The following WDR70 variants were observed in gnomAD, a reference collection of about 807,000 sequenced individuals.
The protein encoded by WDR70 is WD repeat domain 70, also known as WD repeat-containing protein 70.
In WDR70, 53 loss-of-function variants were observed where a neutral mutation model predicts 88.6. That is an observed-to-expected ratio of 0.60 (90% CI 0.48 to 0.75). The LOEUF (loss-of-function observed/expected upper bound fraction) is 0.75. WDR70 is among the 30% of genes least tolerant of loss of function. The pLI is 0.00. For synonymous variants in WDR70, 280 were observed against 270.0 expected (o/e 1.04, Z -0.36); for missense variants, 610 against 823.2 (o/e 0.74, Z 3.17).
chr5:37,664,594 G>A (rs1456850697), intron 10 of WDR70, among the ~76,000 whole-genome samples: 4 of 152,086 alleles, frequency 2.6e-5, no homozygotes, highest in Non-Finnish European at 5.9e-5. Context: ...CCATGATAAA[G>A]TTGACCTTTT....
intron 10 of WDR70, among the ~76,000 whole-genome samples, chr5:37,633,272 C>G (rs1349913557): frequency 6.6e-6 from 1 of 151,974 alleles, no homozygotes; most frequent in East Asian, 1.9e-4. Context: ...CTTAAATTGA[C>G]TAGATTAGAA....
At chr5:37,435,228 C>A (rs1372243656) in intron 5 of WDR70, among the ~76,000 whole-genome samples, 4 of 152,114 alleles carry the variant, frequency 2.6e-5, no homozygotes, top group African/African-American at 9.7e-5. Context: ...TTCATCCTAT[C>A]TTTTTGGTGA....
At chr5:37,666,495 G>C (rs1195963173) in intron 10 of WDR70, among the ~76,000 whole-genome samples, 2 of 152,118 alleles carry the variant, frequency 1.3e-5, no homozygotes, top group Non-Finnish European at 2.9e-5. Flanking sequence ...CCTGAGATTG[G>C]GTCTAGCAAC....
intron 10 of WDR70, among the ~76,000 whole-genome samples, chr5:37,673,735 C>G (rs1746105123): frequency 6.6e-6 from 1 of 151,980 alleles, no homozygotes; most frequent in Admixed American, 6.6e-5. Flanking sequence ...GTCCAGTGTT[C>G]ATTAGCTATT....
chr5:37,474,889 C>G (rs1245240992), intron 7 of WDR70, among the ~76,000 whole-genome samples: 1 of 152,054 alleles, frequency 6.6e-6, no homozygotes, highest in Non-Finnish European at 1.5e-5. Flanking sequence ...TCCTTTTTAT[C>G]TCCAGTAATG....
chr5:37,433,725 T>C (rs1440321004), intron 5 of WDR70, among the ~76,000 whole-genome samples: 1 of 152,226 alleles, frequency 6.6e-6, no homozygotes, highest in Non-Finnish European at 1.5e-5. Flanking sequence ...TTTTGAAAGA[T>C]ACCAGAAATC....
intron 10 of WDR70, among the ~76,000 whole-genome samples, chr5:37,658,171 G>A (rs2112571787): frequency 6.6e-6 from 1 of 151,984 alleles, no homozygotes; most frequent in East Asian, 1.9e-4. Context: ...TTAGTAGGTT[G>A]AGGAGGAGGA....
chr5:37,469,057 A>G (rs1335646613), intron 7 of WDR70, among the ~76,000 whole-genome samples: 1 of 152,216 alleles, frequency 6.6e-6, no homozygotes, highest in Non-Finnish European at 1.5e-5. Context: ...TAAACAAAAT[A>G]TATATAATAG....
At chr5:37,447,147 C>T (rs1389923892) in intron 7 of WDR70, among the ~76,000 whole-genome samples, 2 of 152,146 alleles carry the variant, frequency 1.3e-5, no homozygotes, top group Non-Finnish European at 2.9e-5. Context: ...AGACACTTCT[C>T]AAAAGAAGAC....
intron 7 of WDR70, among the ~76,000 whole-genome samples, chr5:37,460,707 A>C (rs1045740368): frequency 1.3e-5 from 2 of 149,468 alleles, no homozygotes; most frequent in Non-Finnish European, 3.0e-5. Flanking sequence ...AAACATTAAA[A>C]ATAAAAAATA....
At chr5:37,383,621 C>T (rs1310851968) in intron 3 of WDR70, among the ~76,000 whole-genome samples, 1 of 151,734 alleles carries the variant, frequency 6.6e-6, no homozygotes, top group African/African-American at 2.4e-5. Flanking sequence ...GCTCTGTCGC[C>T]CTGGCTGGAG....
chr5:37,414,610 T>C (rs1749637194), intron 5 of WDR70, among the ~76,000 whole-genome samples: 1 of 151,374 alleles, frequency 6.6e-6, no homozygotes, highest in Non-Finnish European at 1.5e-5. Flanking sequence ...TGTTTTTTTT[T>C]TTTTTTTTTT....
chr5:37,738,198 G>T (rs1748360213), intron 17 of WDR70, among the ~76,000 whole-genome samples: 1 of 152,132 alleles, frequency 6.6e-6, no homozygotes, highest in Non-Finnish European at 1.5e-5. Flanking sequence ...TTCTAACAGG[G>T]TTAACAAGTG....
intron 9 of WDR70, among the ~76,000 whole-genome samples, chr5:37,529,840 T>A (rs1430691818): frequency 6.6e-6 from 1 of 152,112 alleles, no homozygotes; most frequent in Non-Finnish European, 1.5e-5. Context: ...ATTGCACTGG[T>A]TAGGACTTCC....
chr5:37,403,307 A>G (rs1749258452), intron 5 of WDR70, among the ~76,000 whole-genome samples: 2 of 152,164 alleles, frequency 1.3e-5, no homozygotes, highest in Admixed American at 1.3e-4. Flanking sequence ...CATATTGTAA[A>G]TTCAACACAT....
intron 15 of WDR70, chr5:37,723,210 A>G: frequency 2.5e-6 from 1 of 406,594 alleles, no homozygotes; most frequent in South Asian, 4.0e-5. Flanking sequence ...TTTCAAGAGT[A>G]ACAGTCTATT....
chr5:37,488,044 A>G (rs912187702), intron 8 of WDR70, among the ~76,000 whole-genome samples: 4 of 145,576 alleles, frequency 2.7e-5, no homozygotes. Context: ...TTTCTCCTTC[A>G]TTATAACTGC....
At chr5:37,531,547 A>G (rs1444219345) in intron 9 of WDR70, among the ~76,000 whole-genome samples, 2 of 139,268 alleles carry the variant, frequency 1.4e-5, no homozygotes, top group African/African-American at 5.2e-5. Flanking sequence ...ATATGATATC[A>G]TTCTTTGTAT....
intron 9 of WDR70, among the ~76,000 whole-genome samples, chr5:37,525,696 G>T (rs1328704194): frequency 6.6e-6 from 1 of 152,136 alleles, no homozygotes; most frequent in Non-Finnish European, 1.5e-5. Context: ...CCAGGAGCTG[G>T]TTTTTTGAAA....
Sources: gnomAD v4.1 joint callset for allele counts (sites outside exome capture counted in the v4.1 genomes callset) on GRCh38, gnomAD v4.1.1 for gene constraint, MANE v1.5 for transcripts, NCBI Gene and HGNC (gene_info 2026-07-23, HGNC 2026-07-21) for gene names.